The following LILRA5 variants were observed in gnomAD, a reference collection of about 807,000 sequenced individuals.
LILRA5 encodes leukocyte immunoglobulin-like receptor subfamily A member 5.
Under a neutral mutation model 36.3 loss-of-function variants are expected in LILRA5, and 31 were observed. That is an observed-to-expected ratio of 0.85 (90% CI 0.64 to 1.15). The LOEUF (loss-of-function observed/expected upper bound fraction) is 1.15. Among genes scored for constraint, LILRA5 ranks in the 50% most tolerant of loss-of-function variants. The probability of loss-of-function intolerance (pLI) is 0.00; values close to 1 mark genes in which losing one functional copy is unlikely to be tolerated. For synonymous variants in LILRA5, 144 were observed against 144.8 expected (o/e 0.99, Z 0.04); for missense variants, 348 against 377.4 (o/e 0.92, Z 0.64).
At chr19:54,307,853 A>T in intron 5 of LILRA5, 105 bp from the exon 6 acceptor site, 1 of 910,322 alleles carries the variant, frequency 1.1e-6, no homozygotes. Flanking sequence ...GCCTCTCAAC[A>T]TGACTTTTAT....
intron 5 of LILRA5, 38 bp downstream of exon 5, chr19:54,311,376 T>C: frequency 5.0e-6 from 8 of 1,614,152 alleles, no homozygotes; most frequent in Non-Finnish European, 6.8e-6. Flanking sequence ...CTGTCTGGCT[T>C]CCCTGAATTG....
At chr19:54,308,786 A>T (rs949596743) in intron 5 of LILRA5, 3 of 152,118 alleles carry the variant, frequency 2.0e-5, no homozygotes, top group African/African-American at 7.2e-5. Context: ...GAGAAGACCA[A>T]TAACAAACAT....
At chr19:54,312,178 G>C in intron 3 of LILRA5, 30 bp from the exon 4 acceptor site, 4 of 1,612,070 alleles carry the variant, frequency 2.5e-6, no homozygotes, top group Non-Finnish European at 3.4e-6. Context: ...TGGGCTCCAA[G>C]ACCTCCCCAC....
intron 5 of LILRA5, chr19:54,311,151 T>C: frequency 1.3e-6 from 1 of 796,412 alleles, no homozygotes; most frequent in Non-Finnish European, 1.8e-6. Flanking sequence ...AAATGGGGTT[T>C]CACCATGTTG....
In LILRA5 at chr19:54,312,807, G is replaced by C. The variant is rs557841247; in HGVS notation, c.4-186C>G. On this transcript the variant is annotated intron_variant, in intron 1 of 6. Transcript: ENST00000432233. ...CACCAGGCTCTCTGCAGACATTTCAGACAGAAGTGGGGTCTCCCTTCCCCG... is the reference window on the plus strand; with the variant it reads ...CACCAGGCTCTCTGCAGACATTTCACACAGAAGTGGGGTCTCCCTTCCCCG... 1.9e-5 allele frequency: 15 copies of C among 783,724 alleles called. 1 individual carries two copies. In the Admixed American group the frequency reaches 2.5e-4, roughly 13 times the overall value. 48.5% of individuals were successfully genotyped at this position (783,724 alleles called of 1,614,324 possible).
chr19:54,312,966 C>A, intron 1 of LILRA5, 51 bp downstream of exon 1: 4 of 1,613,422 alleles, frequency 2.5e-6, no homozygotes, highest in Non-Finnish European at 2.5e-6. Context: ...CCCATGGGGT[C>A]TCCCTCCCTC....
rs10573769 is a variant in LILRA5, at chr19:54,307,242, C to CAAAAAAAAA, written c.*162_*170dup. The CAAAAAAAAA allele has an allele frequency of 2.2e-4, 25 of 115,650 alleles. No individual in the cohort carries two copies. Among genetic ancestry groups the CAAAAAAAAA allele is most frequent in the Non-Finnish European group, 2.7e-4 (20 of 73,468 alleles). 7.2% of individuals were successfully genotyped at this position (115,650 alleles called of 1,614,324 possible). Reference sequence around the variant, plus strand: ...CTGGTGACAGAGCAAGACTCCATCTCAAAAAAAAAAAAAAAAAAAAAAAAG... The same window carrying CAAAAAAAAA: ...CTGGTGACAGAGCAAGACTCCATCTCAAAAAAAAAAAAAAAAAAAAAAAAAAAAAAAAAG... On this transcript the variant is annotated 3_prime_UTR_variant, in exon 7 of 7. Coordinates refer to ENST00000432233, the MANE Select transcript of LILRA5 (RefSeq NM_021250.4).
Position 54,312,167 on chromosome 19 carries a change from C to G in LILRA5, c.125-19G>C. 1 of 1,612,700 alleles carries G rather than the reference C, an allele frequency of 6.2e-7. No homozygotes were observed. The highest frequency in any genetic ancestry group is 8.5e-7 in the Non-Finnish European group (1 of 1,179,274). ...AGGTTCCCTGGAAGGAAATCAGAGT[C>G]TGGGCTCCAAGACCTCCCCACCCCT... On this transcript the variant is annotated intron_variant, in intron 3 of 6. Transcript: ENST00000432233.
At chr19:54,308,043 T>G (rs1378858220) in intron 5 of LILRA5, 1 of 430,326 alleles carries the variant, frequency 2.3e-6, no homozygotes, top group African/African-American at 2.0e-5. Context: ...CAGAAGTCAC[T>G]GAGCCCTTTG....
chr19:54,308,070 T>C, intron 5 of LILRA5: 4 of 328,348 alleles, frequency 1.2e-5, no homozygotes, highest in Non-Finnish European at 1.8e-5. Context: ...CTGTGCAGCC[T>C]GGGACACAGG....
intron 1 of LILRA5, 115 bp downstream of exon 1, chr19:54,312,902 C>T: frequency 1.5e-6 from 2 of 1,336,536 alleles, no homozygotes; most frequent in South Asian, 1.2e-5. Context: ...GACCCGGTGC[C>T]TTCCTGAGTC....
chr19:54,312,702 C>T (rs2081049561), intron 1 of LILRA5, 81 bp from the exon 2 acceptor site: 4 of 1,380,232 alleles, frequency 2.9e-6, no homozygotes, highest in Non-Finnish European at 4.1e-6. Context: ...CATTCTCAGC[C>T]CACAGAAAGG....
Position 54,312,075 on chromosome 19 carries a change from C to T in LILRA5, c.198G>A (p.Arg66=). 1 of 1,614,178 alleles carries T rather than the reference C, an allele frequency of 6.2e-7. No homozygotes were observed. The highest frequency in any genetic ancestry group is 1.1e-5 in the South Asian group (1 of 91,088). The change falls in exon 4 of 7, where the codon CGG becomes CGA. Residue 66 remains arginine, a synonymous_variant. Transcript: ENST00000432233. ...CCTGGGCCTCCAGGGTCCCCTGACACCGGATGGTCACAGAGTTCCCCCGGC... is the reference window on the plus strand; with the variant it reads ...CCTGGGCCTCCAGGGTCCCCTGACATCGGATGGTCACAGAGTTCCCCCGGC... ...VISRGNSVTI[R]CQGTLEAQEY... is the part of the protein sequence containing the mutation.
chr19:54,307,442 TC>T lies in LILRA5; in HGVS notation c.870del (p.Arg291GlufsTer38). Reference protein sequence around the residue: ...GILIFQDWHSQRSPQAAAGR With the variant: ...GILIFQDWHSXRSPQAAAGR ...CTTCCAGCTGCAGCTTGGGGGCTTC[TC>T]TGGCTGTGCCAATCCTGAAATATCA... On this transcript the variant is annotated frameshift_variant, in exon 7 of 7. Transcript: ENST00000432233. LOFTEE classifies it high-confidence loss of function. 6.2e-7 allele frequency: 1 copy of T among 1,613,684 alleles called. No homozygotes were observed. The highest frequency in any genetic ancestry group is 8.5e-7 in the Non-Finnish European group (1 of 1,179,796).
rs145397246 is a variant in LILRA5, at chr19:54,307,479, G to A, written c.834C>T (p.Val278=). The change falls in exon 7 of 7, where the codon GTC becomes GTT. Residue 278 remains valine (V), a synonymous_variant. Transcript: ENST00000432233. ...RMGMAGLILV[V]LGILIFQDWH... ...AATCCTGAAATATCAGAATCCCAAG[G>A]ACCACCAGGATCAAGCCGGCCATGC... 439 of 1,613,972 alleles carry A rather than the reference G, an allele frequency of 2.7e-4. No individual in the cohort carries two copies. The highest frequency in any genetic ancestry group is 3.5e-4 in the Non-Finnish European group (418 of 1,179,984).
intron 3 of LILRA5, 40 bp downstream of exon 3, chr19:54,312,295 T>A (rs199741034): frequency 6.2e-7 from 1 of 1,606,022 alleles, no homozygotes. Flanking sequence ...TTTGTCCCCA[T>A]TGAGGAGGAG....
At chr19:54,311,327 CTT>C in intron 5 of LILRA5, 85 bp downstream of exon 5, 1 of 1,606,524 alleles carries the variant, frequency 6.2e-7, no homozygotes, top group Non-Finnish European at 8.5e-7. Flanking sequence ...TTTTGTCTTT[CTT>C]AGCAGGGGCT....
Position 54,312,167 on chromosome 19 carries a change from C to T in LILRA5, c.125-19G>A. 1 of 1,612,700 alleles carries T rather than the reference C, an allele frequency of 6.2e-7. No homozygotes were observed. The highest frequency in any genetic ancestry group is 1.3e-5 in the African/African-American group (1 of 74,870). On this transcript the variant is annotated intron_variant, in intron 3 of 6. Coordinates refer to ENST00000432233, the MANE Select transcript of LILRA5 (RefSeq NM_021250.4). ...AGGTTCCCTGGAAGGAAATCAGAGT[C>T]TGGGCTCCAAGACCTCCCCACCCCT...
rs1427188900 is a variant in LILRA5 at position 54,311,579 on chromosome 19, A to T, written c.547T>A (p.Trp183Arg). Residue 183 changes from tryptophan to arginine, a missense_variant, in exon 5 of 7, where the codon TGG (tryptophan) becomes AGG (arginine). Transcript: ENST00000432233. ...LTEEGDHKLSWTLDSQLTPSG... is the reference protein window; with the variant it reads ...LTEEGDHKLSRTLDSQLTPSG... ...GGGGTCAGCTGTGAGTCCAAGGTCCAGGAGAGCTTGTGGTCTCCTTCCTCA... is the reference window on the plus strand; with the variant it reads ...GGGGTCAGCTGTGAGTCCAAGGTCCTGGAGAGCTTGTGGTCTCCTTCCTCA... The T allele has an allele frequency of 1.2e-6, 2 of 1,614,086 alleles. No individual in the cohort carries two copies. The highest frequency in any genetic ancestry group is 1.7e-6 in the Non-Finnish European group (2 of 1,180,044).
Sources: allele counts gnomAD v4.1 joint callset, GRCh38; gene constraint gnomAD v4.1.1; transcripts MANE v1.5; gene names NCBI Gene and HGNC (gene_info 2026-07-23, HGNC 2026-07-21).